The following GAL3ST1 variants were observed in gnomAD, a reference collection of about 807,000 sequenced individuals.
GAL3ST1 encodes galactose-3-O-sulfotransferase 1, also known as galactosylceramide sulfotransferase.
Under a neutral mutation model 25.0 loss-of-function variants are expected in GAL3ST1, and 13 were observed. That is an observed-to-expected ratio of 0.52 (90% confidence interval 0.34 to 0.83). The LOEUF (loss-of-function observed/expected upper bound fraction) is 0.83, where lower values mean the gene tolerates loss of function less well. GAL3ST1 is among the 40% of genes least tolerant of loss of function. The pLI, the probability that GAL3ST1 is intolerant of heterozygous loss-of-function variation, is 0.02. For missense variants in GAL3ST1, 474 were observed against 613.6 expected (o/e 0.77, Z 2.40); for synonymous variants, 274 against 277.8 (o/e 0.99, Z 0.14).
At chr22:30,569,952 G>A (rs778867630) in intron 1 of GAL3ST1, among the ~76,000 whole-genome samples, 1 of 152,074 alleles carries the variant, frequency 6.6e-6, no homozygotes, top group Non-Finnish European at 1.5e-5. Context: ...GTGTGGTGGT[G>A]CACGCCTGTA....
intron 1 of GAL3ST1, among the ~76,000 whole-genome samples, chr22:30,559,445 T>C (rs1277960403): frequency 6.6e-6 from 1 of 152,172 alleles, no homozygotes; most frequent in Admixed American, 6.5e-5. Context: ...TTCACCATGT[T>C]GGCCAGGATC....
intron 1 of GAL3ST1, among the ~76,000 whole-genome samples, chr22:30,565,471 C>G (rs1253524053): frequency 6.6e-6 from 1 of 152,184 alleles, no homozygotes; most frequent in Non-Finnish European, 1.5e-5. Flanking sequence ...CAAGGTTTAT[C>G]TAAAATCTGT....
At chr22:30,570,665 G>A (rs766748462) in intron 1 of GAL3ST1, among the ~76,000 whole-genome samples, 7 of 152,054 alleles carry the variant, frequency 4.6e-5, no homozygotes, top group African/African-American at 1.7e-4. Context: ...GCATGGTGGC[G>A]CATGCCTTTA....
chr22:30,574,628 C>CCAGGT lies in GAL3ST1; in HGVS notation c.-283_-282insACCTG, dbSNP rs1334339072. On this transcript the variant is annotated 5_prime_UTR_variant, in exon 1 of 4. Coordinates refer to ENST00000406361, the MANE Select transcript of GAL3ST1 (RefSeq NM_001318104.2). ...CGCTGCCGCGCCGCGCCCGCTCCCGCGCCGCGCCCGCTCCCGGCCAGGTGC... is the reference window on the plus strand; with the variant it reads ...CGCTGCCGCGCCGCGCCCGCTCCCGCCAGGTGCCGCGCCCGCTCCCGGCCAGGTGC... The CCAGGT allele has an allele frequency of 2.1e-5, 3 of 145,076 alleles. No individual in the cohort carries two copies. The highest frequency in any genetic ancestry group is 7.5e-5 in the African/African-American group (3 of 39,982). The allele number at this position is 145,076 out of a possible 1,614,324, so 9.0% of individuals were successfully genotyped here.
intron 1 of GAL3ST1, among the ~76,000 whole-genome samples, chr22:30,574,069 A>G (rs914618741): frequency 2.0e-5 from 3 of 152,110 alleles, no homozygotes; most frequent in African/African-American, 7.2e-5. Flanking sequence ...TGATGGAGAC[A>G]GGGGAGATCT....
chr22:30,555,793 G>A lies in GAL3ST1; in HGVS notation c.432C>T (p.Phe144=), dbSNP rs1333017467. The A allele has an allele frequency of 6.2e-7, 1 of 1,614,176 alleles. No homozygotes were observed. The highest frequency in any genetic ancestry group is 1.1e-5 in the South Asian group (1 of 91,088). ...CFNIICNHMR[F]HYDEVRGLVP... ...CCAGGCCGCGCACCTCGTCGTAGTG[G>A]AAGCGCATGTGGTTGCAGATGATGT... Residue 144 remains phenylalanine, a synonymous_variant, in exon 4 of 4, where the codon TTC becomes TTT. Coordinates refer to ENST00000406361, the MANE Select transcript of GAL3ST1 (RefSeq NM_001318104.2). This position sits in a 1 kb window ranked among gnomAD's most constrained non-coding sequence, Gnocchi z 8.6.
At chr22:30,569,031 G>A (rs1202448610) in intron 1 of GAL3ST1, among the ~76,000 whole-genome samples, 5 of 147,278 alleles carry the variant, frequency 3.4e-5, no homozygotes, top group East Asian at 2.0e-4. Context: ...AGCAGAGATC[G>A]CGCCACTGCA....
intron 1 of GAL3ST1, among the ~76,000 whole-genome samples, chr22:30,564,551 T>C (rs569276941): frequency 5.3e-5 from 8 of 152,216 alleles, no homozygotes; most frequent in African/African-American, 1.9e-4. Flanking sequence ...GCCCACTCCA[T>C]CTATTCCTGC....
Position 30,574,517 on chromosome 22 carries a change from C to G in GAL3ST1, c.-171G>C, listed in dbSNP as rs1398441472. 1 of 149,304 alleles carries G rather than the reference C, an allele frequency of 6.7e-6. No homozygotes were observed. Among genetic ancestry groups the G allele is most frequent in the Admixed American group, 6.7e-5 (1 of 15,028 alleles). 9.2% of individuals were successfully genotyped at this position (149,304 alleles called of 1,614,324 possible). The stretch of plus-strand genomic sequence containing the variant: ...CGTGGCTGGCTCGGCCCGGGCCGCG[C>G]CGCCCGGGCGCTCACTGGGCGGCGG... On this transcript the variant is annotated 5_prime_UTR_variant, in exon 1 of 4. Transcript: ENST00000406361.
intron 2 of GAL3ST1, chr22:30,557,758 G>C: frequency 5.8e-6 from 1 of 171,480 alleles, no homozygotes; most frequent in Non-Finnish European, 1.2e-5. Flanking sequence ...AGAAACAGAA[G>C]AAAAAATGAG....
intron 1 of GAL3ST1, among the ~76,000 whole-genome samples, chr22:30,564,524 C>T (rs1320377911): frequency 1.3e-5 from 2 of 152,166 alleles, no homozygotes; most frequent in African/African-American, 2.4e-5. Flanking sequence ...TCAGGATGGA[C>T]GGTCCCCCCG....
chr22:30,558,488 A>T (rs759568607), intron 1 of GAL3ST1, 100 bp from the exon 2 acceptor site: 2 of 152,154 alleles, frequency 1.3e-5, no homozygotes, highest in Non-Finnish European at 2.9e-5. Flanking sequence ...GGCTGTCTAT[A>T]GGGAAGGCCA....
In GAL3ST1 at chr22:30,554,972, C is replaced by T. The variant is rs749883972; in HGVS notation, c.1253G>A (p.Arg418His). Reference sequence around the variant, plus strand: ...GGGACGTCACCACCGCAGGAAATCGCGAATGAACTTCCAGAGCTTGGTGAC... The same window carrying T: ...GGGACGTCACCACCGCAGGAAATCGTGAATGAACTTCCAGAGCTTGGTGAC... ...LWVTKLWKFI[R>H]DFLRW is the part of the protein sequence containing the mutation. The change falls in exon 4 of 4, where the codon CGC becomes CAC. Residue 418 changes from arginine (R) to histidine (H), a missense_variant. By Grantham distance (29) the Arg-to-His change is conservative. This residue lies in a region of GAL3ST1 where 359 missense variants were observed against 504.4 expected (regional missense o/e 0.71). Transcript: ENST00000406361. 6.3e-7 allele frequency: 1 copy of T among 1,580,416 alleles called. No homozygotes were observed. The highest frequency in any genetic ancestry group is 8.6e-7 in the Non-Finnish European group (1 of 1,157,942).
At chr22:30,563,915 CAAA>C (rs5844911) in intron 1 of GAL3ST1, among the ~76,000 whole-genome samples, 5 of 128,456 alleles carry the variant, frequency 3.9e-5, no homozygotes, top group Admixed American at 7.7e-5. Context: ...GACCCCGTCT[CAAA>C]AAAAAAAAAA....
At position 30,557,395 on chromosome 22, in the gene GAL3ST1, C is replaced by CA; in HGVS notation, c.-4dup. ...GGCTTCTTCTGCGGTGGCAGCATCT[C>CA]AGACACCTGCAGGGGCAGCACAGAG... On this transcript the variant is annotated 5_prime_UTR_variant, in exon 3 of 4. An upstream open reading frame in the 5' UTR loses its in-frame stop. Coordinates refer to ENST00000406361, the MANE Select transcript of GAL3ST1 (RefSeq NM_001318104.2). 7 of 1,614,128 alleles carry CA rather than the reference C, an allele frequency of 4.3e-6. No homozygotes were observed. Among genetic ancestry groups the CA allele is most frequent in the Non-Finnish European group, 5.9e-6 (7 of 1,180,016 alleles).
chr22:30,571,853 G>T (rs2086794846), intron 1 of GAL3ST1, among the ~76,000 whole-genome samples: 2 of 152,272 alleles, frequency 1.3e-5, no homozygotes, highest in South Asian at 4.1e-4. Flanking sequence ...GACAGAGCAA[G>T]ACTCCGTCTC....
chr22:30,559,530 C>T (rs2086258530), intron 1 of GAL3ST1, among the ~76,000 whole-genome samples: 3 of 152,192 alleles, frequency 2.0e-5, no homozygotes, highest in Non-Finnish European at 2.9e-5. Context: ...TGAGCCACCG[C>T]GCCTGGCCCA....
At chr22:30,573,190 A>AG (rs983463432) in intron 1 of GAL3ST1, among the ~76,000 whole-genome samples, 4 of 151,936 alleles carry the variant, frequency 2.6e-5, no homozygotes, top group Non-Finnish European at 5.9e-5. Flanking sequence ...CAGGGAGGCG[A>AG]GGGGGGGTGT....
chr22:30,555,826 G>C lies in GAL3ST1; in HGVS notation c.399C>G (p.Ala133=), dbSNP rs111588718. ...RSLVQDYRPG[A]CFNIICNHMR... ...TGTGGTTGCAGATGATGTTGAAGCA[G>C]GCCCCGGGCCGATAGTCCTGCACCA... Residue 133 remains alanine (A), a synonymous_variant, in exon 4 of 4, where the codon GCC becomes GCG. Transcript: ENST00000406361. This position sits in a 1 kb window ranked among gnomAD's most constrained non-coding sequence, Gnocchi z 8.6. 50 of 1,614,206 alleles carry C rather than the reference G, an allele frequency of 3.1e-5. No homozygotes were observed. The African/African-American group carries it at 3.7e-4, about 12-fold the overall frequency.
Sources: allele counts gnomAD v4.1 joint callset (sites outside exome capture counted in the v4.1 genomes callset), GRCh38; gene constraint gnomAD v4.1.1; regional missense constraint gnomAD v4.1.1; non-coding constraint Gnocchi (gnomAD v3.1); transcripts MANE v1.5; gene names NCBI Gene and HGNC (gene_info 2026-07-23, HGNC 2026-07-21).